Variants in ADAMTSL1 observed in about 807,000 individuals in gnomAD.
ADAMTSL1 encodes the protein ADAMTS like 1.
Under a neutral mutation model 201.8 loss-of-function variants are expected in ADAMTSL1, and 126 were observed. The ratio of observed to expected loss-of-function variants is 0.62; its 90% CI spans 0.54 to 0.72. ADAMTSL1 has a LOEUF of 0.72. ADAMTSL1 is among the 30% of genes least tolerant of loss of function. The pLI is 0.00. For synonymous variants in ADAMTSL1, 1,121 were observed against 903.4 expected (o/e 1.24, Z -4.32); for missense variants, 2,679 against 2,277.8 (o/e 1.18, Z -3.59).
chr9:18,488,252 C>CA (rs1304707997), intron 1 of ADAMTSL1, among the ~76,000 whole-genome samples: 2 of 152,158 alleles, frequency 1.3e-5, no homozygotes, highest in African/African-American at 4.8e-5. Context: ...TGTCACCTAT[C>CA]AAGATCAAAA....
At chr9:18,715,072 T>C (rs1332526034) in intron 14 of ADAMTSL1, among the ~76,000 whole-genome samples, 1 of 79,150 alleles carries the variant, frequency 1.3e-5, no homozygotes, top group Non-Finnish European at 3.0e-5. Context: ...AAATTAGGTA[T>C]TGATTGGACG....
At position 18,892,397 on chromosome 9, in the gene ADAMTSL1, T is replaced by C; in HGVS notation, c.4652T>C (p.Val1551Ala). Residue 1551 changes from valine (V) to alanine (A), a missense_variant, in exon 26 of 29, where the codon GTG becomes GCG. Transcript: ENST00000380548. The part of the protein sequence containing the change: ...NRRDCPSRWM[V>A]TSWSACTRSC... ...CTTCTTCCTCTCCCCAGGTGGATGG[T>C]GACCTCCTGGTCTGCCTGTACCCGG... The C allele has an allele frequency of 6.2e-7, 1 of 1,612,354 alleles. No individual in the cohort carries two copies. The highest frequency in any genetic ancestry group is 8.5e-7 in the Non-Finnish European group (1 of 1,179,476).
intron 1 of ADAMTSL1, among the ~76,000 whole-genome samples, chr9:18,474,993 T>A (rs1424888452): frequency 1.3e-5 from 2 of 152,216 alleles, no homozygotes; most frequent in Non-Finnish European, 2.9e-5. Flanking sequence ...CATTTTTGAC[T>A]CGAAGTAAAT....
At chr9:18,490,980 T>A (rs1822243038) in intron 1 of ADAMTSL1, among the ~76,000 whole-genome samples, 1 of 151,744 alleles carries the variant, frequency 6.6e-6, no homozygotes, top group Non-Finnish European at 1.5e-5. Context: ...ACTGACAGAG[T>A]GGAGTGTAAA....
At chr9:18,366,077 C>T (rs1330089194) in intron 2 of ADAMTSL1, among the ~76,000 whole-genome samples, 1 of 151,998 alleles carries the variant, frequency 6.6e-6, no homozygotes, top group Non-Finnish European at 1.5e-5. Flanking sequence ...GTGTAATCTC[C>T]CTTTGGCTTT....
chr9:18,103,028 G>A (rs886294744), intron 1 of ADAMTSL1, among the ~76,000 whole-genome samples: 1 of 152,064 alleles, frequency 6.6e-6, no homozygotes, highest in Admixed American at 6.6e-5. Context: ...ATCCCTATAC[G>A]TGGGTTCTTA....
At chr9:18,556,381 G>A (rs908799367) in intron 3 of ADAMTSL1, among the ~76,000 whole-genome samples, 2 of 151,984 alleles carry the variant, frequency 1.3e-5, no homozygotes, top group Admixed American at 1.3e-4. Context: ...AATAGTTATT[G>A]AGAGTGATTA....
chr9:18,585,427 T>A (rs1823419423), intron 4 of ADAMTSL1, among the ~76,000 whole-genome samples: 1 of 152,170 alleles, frequency 6.6e-6, no homozygotes, highest in Non-Finnish European at 1.5e-5. Flanking sequence ...TGATGTATAG[T>A]TTTTTTAATA....
At chr9:17,974,713 C>A (rs764545928) in intron 1 of ADAMTSL1, among the ~76,000 whole-genome samples, 1 of 151,862 alleles carries the variant, frequency 6.6e-6, no homozygotes, top group African/African-American at 2.4e-5. Flanking sequence ...TTGTTAAGGC[C>A]GAGTAATGTT....
intron 1 of ADAMTSL1, among the ~76,000 whole-genome samples, chr9:18,053,763 T>C (rs992166478): frequency 3.9e-5 from 6 of 152,236 alleles, no homozygotes; most frequent in Non-Finnish European, 7.3e-5. Context: ...TACTGAGCAC[T>C]CTTGATGTAC....
chr9:18,218,193 T>C (rs917532715), intron 2 of ADAMTSL1, among the ~76,000 whole-genome samples: 7 of 152,228 alleles, frequency 4.6e-5, no homozygotes, highest in Non-Finnish European at 8.8e-5. Context: ...GATCCAAATA[T>C]TGTAAATGAG....
chr9:18,444,593 C>T (rs1438293647), intron 2 of ADAMTSL1, among the ~76,000 whole-genome samples: 1 of 152,126 alleles, frequency 6.6e-6, no homozygotes, highest in Non-Finnish European at 1.5e-5. Flanking sequence ...CAGTATTTCA[C>T]CTGTGCACAC....
At chr9:18,224,774 A>G (rs1944751) in intron 2 of ADAMTSL1, among the ~76,000 whole-genome samples, 106,460 of 151,942 alleles carry the variant, frequency 0.7, 37,462 homozygotes, top group Admixed American at 0.76. Flanking sequence ...AGGCATGGTC[A>G]CAGTACTCCT....
intron 2 of ADAMTSL1, among the ~76,000 whole-genome samples, chr9:18,166,850 T>C (rs1041815042): frequency 1.3e-5 from 2 of 152,042 alleles, no homozygotes; most frequent in Non-Finnish European, 2.9e-5. Flanking sequence ...TTAATTTATT[T>C]TGACCAAAAT....
intron 2 of ADAMTSL1, among the ~76,000 whole-genome samples, chr9:18,444,793 C>A (rs376177465): frequency 2.1e-4 from 32 of 152,152 alleles, no homozygotes; most frequent in African/African-American, 7.2e-4. Flanking sequence ...GCAGAAATGC[C>A]ATATTTAATG....
At chr9:18,782,139 T>C (rs72690550) in intron 19 of ADAMTSL1, among the ~76,000 whole-genome samples, 7,281 of 152,234 alleles carry the variant, frequency 0.048, 259 homozygotes, top group South Asian at 0.075. Context: ...CTGTGTTAGA[T>C]ACTAGGGATG....
intron 25 of ADAMTSL1, among the ~76,000 whole-genome samples, chr9:18,891,770 T>C (rs985667471): frequency 2.6e-5 from 4 of 152,256 alleles, no homozygotes; most frequent in Non-Finnish European, 5.9e-5. Context: ...AGGCCCAGAT[T>C]ACTTTCCAGG....
At chr9:18,446,115 A>C (rs1209698837) in intron 2 of ADAMTSL1, among the ~76,000 whole-genome samples, 1 of 152,156 alleles carries the variant, frequency 6.6e-6, no homozygotes, top group Non-Finnish European at 1.5e-5. Flanking sequence ...ACATTAGCTC[A>C]ATTGTGCGAT....
chr9:18,842,679 T>A (rs1012816909), intron 23 of ADAMTSL1, among the ~76,000 whole-genome samples: 1 of 152,190 alleles, frequency 6.6e-6, no homozygotes, highest in Non-Finnish European at 1.5e-5. Context: ...TAAGTCTCTT[T>A]GTAGGTAACT....
Sources: allele counts gnomAD v4.1 joint callset (sites outside exome capture counted in the v4.1 genomes callset), GRCh38; gene constraint gnomAD v4.1.1; transcripts MANE v1.5; gene names NCBI Gene and HGNC (gene_info 2026-07-23, HGNC 2026-07-21).